SMOC2: variants seen among roughly 807,000 people sequenced by gnomAD.
SMOC2 encodes the protein SPARC related modular calcium binding 2.
In SMOC2, 39 loss-of-function variants were observed where a neutral mutation model predicts 61.4. That is an observed-to-expected ratio of 0.64 (90% CI 0.49 to 0.83). SMOC2 has a LOEUF of 0.83. Ranked by LOEUF, SMOC2 falls within the 40% of genes least tolerant of loss-of-function variation. The pLI, the probability that SMOC2 is intolerant of heterozygous loss-of-function variation, is 0.00. For missense variants in SMOC2, 556 were observed against 592.9 expected, an observed-to-expected ratio of 0.94 and a Z score of 0.65; for synonymous variants, 247 against 239.9, an observed-to-expected ratio of 1.03 and a Z score of -0.27.
intron 7 of SMOC2, among the ~76,000 whole-genome samples, chr6:168,560,700 A>C (rs11964842): frequency 0.051 from 5 of 98 alleles, no homozygotes; most frequent in Admixed American, 0.062. Flanking sequence ...TGTCATTTTC[A>C]TACCCTGAGA....
At position 168,667,258 on chromosome 6, in the gene SMOC2, T is replaced by C. The variant is rs893989479; in HGVS notation, c.*820T>C. ...GTGTGACCGAGCTGGCTAACAGGCT[T>C]GTCTGCCTGGTTTTCCTCCTACACG... On this transcript the variant is annotated 3_prime_UTR_variant, in exon 13 of 13. Transcript: ENST00000356284. 6.6e-6 allele frequency: 1 copy of C among 152,160 alleles called. No individual in the cohort carries two copies. Among genetic ancestry groups the C allele is most frequent in the Non-Finnish European group, 1.5e-5 (1 of 68,038 alleles). 9.4% of individuals were successfully genotyped at this position (152,160 alleles called of 1,614,324 possible).
At chr6:168,469,418 G>A (rs908105152) in intron 1 of SMOC2, among the ~76,000 whole-genome samples, 8 of 152,210 alleles carry the variant, frequency 5.3e-5, no homozygotes, top group Non-Finnish European at 7.3e-5. Flanking sequence ...AGTGTGTTTT[G>A]TAAACGGATA....
chr6:168,661,257 A>G (rs149905897), intron 11 of SMOC2, among the ~76,000 whole-genome samples: 111 of 152,302 alleles, frequency 7.3e-4, no homozygotes, highest in African/African-American at 2.6e-3. Flanking sequence ...ACTGTTGCTA[A>G]GTTTTTTTTG....
chr6:168,474,798 C>T lies in SMOC2; in HGVS notation c.84+33344C>T, dbSNP rs12530120. Reference sequence around the variant, plus strand: ...TGCTGCTGATGTTCTGTGTAGAAAACGTGTAACAAATGACACGTCCTTAAC... The same window carrying T: ...TGCTGCTGATGTTCTGTGTAGAAAATGTGTAACAAATGACACGTCCTTAAC... On this transcript the variant is annotated intron_variant, in intron 1 of 12. Coordinates refer to ENST00000356284, the MANE Select transcript of SMOC2 (RefSeq NM_001166412.2). Among the ~76,000 whole-genome samples, 882 of 152,228 alleles carry T rather than the reference C, an allele frequency of 5.8e-3. 35 individuals are homozygous for T. Among genetic ancestry groups the T allele is most frequent in the Admixed American group, 0.05 (760 of 15,298 alleles).
At chr6:168,479,630 C>T (rs999484521) in intron 1 of SMOC2, among the ~76,000 whole-genome samples, 5 of 152,226 alleles carry the variant, frequency 3.3e-5, no homozygotes, top group African/African-American at 4.8e-5. Context: ...CCCAACCTTG[C>T]GGTGAAAGCT....
intron 11 of SMOC2, among the ~76,000 whole-genome samples, chr6:168,662,278 C>A (rs1011082320): frequency 6.6e-6 from 1 of 152,194 alleles, no homozygotes; most frequent in African/African-American, 2.4e-5. Context: ...TAAGAAACCC[C>A]ACAGCACGAT....
chr6:168,503,353 C>T (rs549180372), intron 1 of SMOC2, among the ~76,000 whole-genome samples: 1 of 152,134 alleles, frequency 6.6e-6, no homozygotes, highest in South Asian at 2.1e-4. Flanking sequence ...GCTGGGATTA[C>T]AGGTGTGAGC....
chr6:168,467,136 A>AACACACACACACACACACACACACACAC (rs10536582), intron 1 of SMOC2, among the ~76,000 whole-genome samples: 1 of 133,334 alleles, frequency 7.5e-6, no homozygotes. Flanking sequence ...AGTGCTCTCA[A>AACACACACACACACACACACACACACAC]ACACACACAC....
At chr6:168,588,217 G>A (rs1179580006) in intron 7 of SMOC2, among the ~76,000 whole-genome samples, 1 of 151,434 alleles carries the variant, frequency 6.6e-6, no homozygotes, top group Non-Finnish European at 1.5e-5. Context: ...TCTGCCTCAC[G>A]GGTTCAAGCA....
chr6:168,564,952 T>C (rs1373678835), intron 7 of SMOC2, among the ~76,000 whole-genome samples: 1 of 152,242 alleles, frequency 6.6e-6, no homozygotes, highest in African/African-American at 2.4e-5. Flanking sequence ...AACATGTTTT[T>C]TTAAGCTAGT....
Position 168,509,998 on chromosome 6 carries a change from C to T in SMOC2, c.168C>T (p.Asp56=), listed in dbSNP as rs571794917. ...CCCAGAAACCTCTCTGCGCATCTGACGGAAGGACCTTCCTTTCCCGTTGTG... is the reference window on the plus strand; with the variant it reads ...CCCAGAAACCTCTCTGCGCATCTGATGGAAGGACCTTCCTTTCCCGTTGTG... ...GSPQKPLCAS[D]GRTFLSRCEF... Residue 56 remains aspartate (D), a synonymous_variant, in exon 2 of 13, where the codon GAC becomes GAT. Transcript: ENST00000356284. 2.3e-5 allele frequency: 37 copies of T among 1,614,186 alleles called. No individual in the cohort carries two copies. The highest frequency in any genetic ancestry group is 1.5e-4 in the African/African-American group (11 of 75,052).
chr6:168,632,623 A>C (rs1786599429), intron 9 of SMOC2, among the ~76,000 whole-genome samples: 1 of 152,188 alleles, frequency 6.6e-6, no homozygotes, highest in Non-Finnish European at 1.5e-5. Flanking sequence ...CAGCCACCAT[A>C]ATTTTGAGCT....
chr6:168,449,363 A>G (rs1340134964), intron 1 of SMOC2, among the ~76,000 whole-genome samples: 1 of 152,246 alleles, frequency 6.6e-6, no homozygotes, highest in Non-Finnish European at 1.5e-5. Flanking sequence ...AAATGACTTC[A>G]TAAAATATAG....
chr6:168,602,057 A>C (rs1583150490), intron 8 of SMOC2, among the ~76,000 whole-genome samples: 1 of 152,156 alleles, frequency 6.6e-6, no homozygotes, highest in East Asian at 1.9e-4. Flanking sequence ...CAGCACAAAT[A>C]CTGATTATCA....
intron 1 of SMOC2, among the ~76,000 whole-genome samples, chr6:168,509,039 G>A (rs1307724372): frequency 1.3e-5 from 2 of 149,986 alleles, no homozygotes; most frequent in African/African-American, 2.5e-5. Context: ...GCCTGATGGA[G>A]GCCTGGACGG....
chr6:168,463,680 C>T (rs1233626509), intron 1 of SMOC2, among the ~76,000 whole-genome samples: 1 of 152,080 alleles, frequency 6.6e-6, no homozygotes, highest in African/African-American at 2.4e-5. Context: ...GAGAGAAACC[C>T]TGTGCTTACA....
At chr6:168,585,794 A>C (rs1785035135) in intron 7 of SMOC2, among the ~76,000 whole-genome samples, 1 of 152,216 alleles carries the variant, frequency 6.6e-6, no homozygotes, top group South Asian at 2.1e-4. Context: ...TTTTTCAGTC[A>C]CACATCTTTC....
chr6:168,655,899 G>T (rs1787310699), intron 11 of SMOC2, among the ~76,000 whole-genome samples: 1 of 151,860 alleles, frequency 6.6e-6, no homozygotes, highest in South Asian at 2.1e-4. Flanking sequence ...GTGTGTGCTA[G>T]ATCCCACTGT....
At chr6:168,476,779 A>AT (rs1273680222) in intron 1 of SMOC2, among the ~76,000 whole-genome samples, 1 of 151,976 alleles carries the variant, frequency 6.6e-6, no homozygotes, top group Non-Finnish European at 1.5e-5. Context: ...TGCATTTCTG[A>AT]TTTTTTCTTC....
Sources: gnomAD v4.1 joint callset for allele counts (sites outside exome capture counted in the v4.1 genomes callset) on GRCh38, gnomAD v4.1.1 for gene constraint, MANE v1.5 for transcripts, NCBI Gene and HGNC (gene_info 2026-07-23, HGNC 2026-07-21) for gene names.